The following TRPM7 variants were observed in gnomAD, a reference collection of about 807,000 sequenced individuals.
TRPM7 encodes LTRPC ion channel family member 7.
TRPM7 carries 134 observed loss-of-function variants against 229.7 expected under a neutral mutation model. That is an observed-to-expected ratio of 0.58 (90% CI 0.51 to 0.67). The LOEUF (loss-of-function observed/expected upper bound fraction) is 0.67, where lower values mean the gene tolerates loss of function less well. TRPM7 is among the 30% of genes least tolerant of loss of function. TRPM7 has a pLI of 0.00. For missense variants in TRPM7, 1,901 were observed against 2,210.0 expected (o/e 0.86, Z 2.80); for synonymous variants, 699 against 715.2 (o/e 0.98, Z 0.36).
Position 50,607,296 on chromosome 15 carries a change from T to C in TRPM7, c.2613A>G (p.Thr871=), listed in dbSNP as rs779155669. ...GTTCCATTTGTACAAGAACCACAAA[T>C]GTATAAAGCATCAGAAATCCTAAAT... ...LAYLGFLMLY[T]FVVLVQMEQL... Residue 871 remains threonine, a synonymous_variant, in exon 20 of 39, where the codon ACA becomes ACG. Coordinates refer to ENST00000646667, the MANE Select transcript of TRPM7 (RefSeq NM_017672.6). 5.0e-6 allele frequency: 8 copies of C among 1,599,078 alleles called. No individual in the cohort carries two copies. Among genetic ancestry groups the C allele is most frequent in the South Asian group, 2.3e-5 (2 of 87,020 alleles).
At chr15:50,614,541 T>A (rs2060160318) in intron 13 of TRPM7, among the ~76,000 whole-genome samples, 1 of 151,984 alleles carries the variant, frequency 6.6e-6, no homozygotes, top group African/African-American at 2.4e-5. Flanking sequence ...AGTAGATGCC[T>A]GTAGTCCCAG....
chr15:50,578,335 T>C (rs1726908511), intron 31 of TRPM7, among the ~76,000 whole-genome samples: 1 of 152,132 alleles, frequency 6.6e-6, no homozygotes, highest in African/African-American at 2.4e-5. Context: ...CAAGAATAAC[T>C]CAGCTGACTA....
intron 21 of TRPM7, among the ~76,000 whole-genome samples, chr15:50,603,526 T>C (rs148080275): frequency 0.011 from 1,697 of 147,752 alleles, 31 homozygotes; most frequent in African/African-American, 0.04. Context: ...AGTGTTCTCA[T>C]TGTTCAATTC....
chr15:50,569,860 T>C (rs2053784963), intron 38 of TRPM7, 27 bp downstream of exon 38: 8 of 1,496,772 alleles, frequency 5.3e-6, no homozygotes, highest in Middle Eastern at 1.8e-4. Context: ...ACAATTTATA[T>C]ACTATACTGA....
intron 29 of TRPM7, 74 bp from the exon 30 acceptor site, chr15:50,580,982 A>G (rs2054377352): frequency 7.5e-6 from 11 of 1,463,726 alleles, no homozygotes; most frequent in Non-Finnish European, 1.0e-5. Flanking sequence ...TAACGGTTTA[A>G]CTTTTTTTCT....
chr15:50,566,245 GAACTA>G (rs1279758444), intron 38 of TRPM7, among the ~76,000 whole-genome samples: 4 of 151,870 alleles, frequency 2.6e-5, no homozygotes, highest in East Asian at 1.9e-4. Context: ...AACTATTTAA[GAACTA>G]AACAAGACAA....
At position 50,581,454 on chromosome 15, in the gene TRPM7, G is replaced by A. The variant is rs1040717441; in HGVS notation, c.4558-546C>T. Among the ~76,000 whole-genome samples the A allele has an allele frequency of 5.3e-5, 8 of 151,798 alleles. 1 individual carries two copies. The South Asian group carries it at 6.2e-4, about 12-fold the overall frequency. The stretch of plus-strand genomic sequence containing the variant: ...GTGGAGGTTGCAGTGAGCCAAGATC[G>A]TGCCATTGCACTCCAGCCTAGGCGA... On this transcript the variant is annotated intron_variant, in intron 29 of 38. Transcript: ENST00000646667.
At chr15:50,565,814 CATAA>C (rs577120564) in intron 38 of TRPM7, among the ~76,000 whole-genome samples, 27 of 145,348 alleles carry the variant, frequency 1.9e-4, no homozygotes, top group African/African-American at 6.8e-4. Context: ...GCTCAGAGAC[CATAA>C]ACTCTTTTTG....
intron 27 of TRPM7, chr15:50,588,260 G>T: frequency 1.0e-6 from 1 of 984,386 alleles, no homozygotes; most frequent in South Asian, 4.7e-5. Flanking sequence ...CCTATTTGAG[G>T]TAAGAAAATT....
intron 1 of TRPM7, among the ~76,000 whole-genome samples, chr15:50,672,014 T>G (rs1442112276): frequency 6.6e-6 from 1 of 152,214 alleles, no homozygotes; most frequent in Non-Finnish European, 1.5e-5. Flanking sequence ...AGACTACGCT[T>G]TTTATGGTTA....
chr15:50,663,055 A>G lies in TRPM7; in HGVS notation c.4-9T>C. The stretch of plus-strand genomic sequence containing the variant: ...ATCCAGGATTTCTGGGACTAAAACA[A>G]AATGTTTTAAAGAATTGTTTATAAG... On this transcript the variant is annotated splice_polypyrimidine_tract_variant and intron_variant, in intron 1 of 38. Transcript: ENST00000646667. 1 of 1,600,500 alleles carries G rather than the reference A, an allele frequency of 6.2e-7. No homozygotes were observed. Among genetic ancestry groups the G allele is most frequent in the Non-Finnish European group, 8.6e-7 (1 of 1,168,140 alleles).
rs780248491 is a variant in TRPM7, at chr15:50,570,205, CAT to C, written c.5309-52_5309-51del. 40 of 1,290,012 alleles carry C rather than the reference CAT, an allele frequency of 3.1e-5. No individual in the cohort carries two copies. The Admixed American group carries it at 8.8e-4, about 28-fold the overall frequency. The allele number at this position is 1,290,012 out of a possible 1,614,324, so 79.9% of individuals were successfully genotyped here. The stretch of plus-strand genomic sequence containing the variant: ...CAAATAATTTATATTATATAATTGA[CAT>C]AAATACTGACATCTGCATAATAAAA... On this transcript the variant is annotated intron_variant, in intron 36 of 38. Coordinates refer to ENST00000646667, the MANE Select transcript of TRPM7 (RefSeq NM_017672.6).
At chr15:50,596,503 T>C (rs2059636808) in intron 22 of TRPM7, 122 bp from the exon 23 acceptor site, 2 of 810,658 alleles carry the variant, frequency 2.5e-6, no homozygotes, top group Non-Finnish European at 3.5e-6. Context: ...TATGTACAAA[T>C]CTGTTTCACA....
At position 50,586,507 on chromosome 15, in the gene TRPM7, CAT is replaced by C; in HGVS notation, c.4390-21_4390-20del. Reference sequence around the variant, plus strand: ...TGTTATTCTGCAAATATTGTGCAGACATATAATTTGAAAATAATTGAACTAAA... The same window carrying C: ...TGTTATTCTGCAAATATTGTGCAGACATAATTTGAAAATAATTGAACTAAA... On this transcript the variant is annotated intron_variant, in intron 27 of 38. Transcript: ENST00000646667. The C allele has an allele frequency of 6.6e-7, 1 of 1,516,434 alleles. No homozygotes were observed. Among genetic ancestry groups the C allele is most frequent in the Non-Finnish European group, 9.1e-7 (1 of 1,094,050 alleles). 93.9% of individuals were successfully genotyped at this position (1,516,434 alleles called of 1,614,324 possible).
In TRPM7 at chr15:50,592,059, T is replaced by G. The variant is rs757381221; in HGVS notation, c.4176A>C (p.Pro1392=). The change falls in exon 26 of 39, where the codon CCA becomes CCC. Residue 1392 remains proline (P), a synonymous_variant. Coordinates refer to ENST00000646667, the MANE Select transcript of TRPM7 (RefSeq NM_017672.6). The part of the protein sequence containing the change: ...QKLGSSSTSI[P]HLSSPPTKFF... ...ATTTGGTTGGTGGGGATGACAGATG[T>G]GGTATGCTAGTAGATGAACTGCCTA... 6.2e-7 allele frequency: 1 copy of G among 1,613,474 alleles called. No individual in the cohort carries two copies. Among genetic ancestry groups the G allele is most frequent in the South Asian group, 1.1e-5 (1 of 90,782 alleles).
chr15:50,672,834 A>G (rs1205121472), intron 1 of TRPM7, among the ~76,000 whole-genome samples: 2 of 133,696 alleles, frequency 1.5e-5, no homozygotes, highest in Non-Finnish European at 3.1e-5. Flanking sequence ...CGCTTGAACC[A>G]GGGAAGCAGA....
In TRPM7 at chr15:50,586,422, T is replaced by G. The variant is rs770935146; in HGVS notation, c.4456A>C (p.Arg1486=). The G allele has an allele frequency of 2.6e-5, 42 of 1,612,934 alleles. No homozygotes were observed. Among genetic ancestry groups the G allele is most frequent in the Admixed American group, 8.3e-5 (5 of 59,992 alleles). ...SSLAGFTDCH[R]TSIPVHSKQA... ...TTTGAATGAACAGGAATGGAAGTTC[T>G]GTGACAGTCAGTAAATCCAGCAAGA... The change falls in exon 28 of 39, where the codon AGA becomes CGA. Residue 1486 remains arginine (R), a synonymous_variant. Transcript: ENST00000646667.
At chr15:50,627,312 G>C (rs1227547298) in intron 11 of TRPM7, among the ~76,000 whole-genome samples, 2 of 152,112 alleles carry the variant, frequency 1.3e-5, no homozygotes, top group Non-Finnish European at 2.9e-5. Context: ...CTGGTTTAGG[G>C]GGATGCTATT....
intron 9 of TRPM7, among the ~76,000 whole-genome samples, chr15:50,631,974 C>T (rs2060749815): frequency 6.6e-6 from 1 of 152,070 alleles, no homozygotes; most frequent in Non-Finnish European, 1.5e-5. Flanking sequence ...AAACATAGCA[C>T]CATTTCAGAA....
Sources: allele counts gnomAD v4.1 joint callset (sites outside exome capture counted in the v4.1 genomes callset), GRCh38; gene constraint gnomAD v4.1.1; transcripts MANE v1.5; gene names NCBI Gene and HGNC (gene_info 2026-07-23, HGNC 2026-07-21).